The following NLK variants were observed in gnomAD, a reference collection of about 807,000 sequenced individuals.
The protein encoded by NLK is serine/threonine-protein kinase NLK.
NLK carries 11 observed loss-of-function variants against 59.0 expected under a neutral mutation model. That is an observed-to-expected ratio of 0.19 (90% CI 0.12 to 0.31). The LOEUF (loss-of-function observed/expected upper bound fraction) is 0.31, where lower values mean the gene tolerates loss of function less well. Among genes scored for constraint, NLK ranks in the 10% least tolerant of loss-of-function variants. The pLI is 1.00. For synonymous variants in NLK, 235 were observed against 235.9 expected, an observed-to-expected ratio of 1.00 and a Z score of 0.03; for missense variants, 410 against 661.1, an observed-to-expected ratio of 0.62 and a Z score of 4.16.
intron 8 of NLK, among the ~76,000 whole-genome samples, chr17:28,188,133 G>T (rs1457264285): frequency 1.3e-5 from 2 of 152,174 alleles, no homozygotes; most frequent in East Asian, 1.9e-4. Context: ...AACCCAGGAG[G>T]TTAAGGCCAA....
At chr17:28,052,894 T>TG (rs1329753139) in intron 1 of NLK, among the ~76,000 whole-genome samples, 2 of 151,210 alleles carry the variant, frequency 1.3e-5, no homozygotes, top group African/African-American at 4.9e-5. Context: ...TGGTGTTTTT[T>TG]TTTTTTTTTT....
intron 8 of NLK, 92 bp from the exon 9 acceptor site, chr17:28,190,929 A>G: frequency 7.1e-6 from 6 of 849,142 alleles, no homozygotes; most frequent in African/African-American, 3.4e-5. Context: ...TATATATGCT[A>G]TGTCAAGCAG....
chr17:28,193,301 G>T (rs995259624), intron 10 of NLK, among the ~76,000 whole-genome samples: 1 of 152,148 alleles, frequency 6.6e-6, no homozygotes, highest in Non-Finnish European at 1.5e-5. Flanking sequence ...TTTGGAGAGG[G>T]TATGGCTGCC....
chr17:28,199,420 C>T (rs1909562932), downstream of NLK, among the ~76,000 whole-genome samples: 1 of 151,990 alleles, frequency 6.6e-6, no homozygotes, highest in African/African-American at 2.4e-5. Context: ...AATCCCAGAA[C>T]TTTGGGAGGC....
At chr17:28,137,410 CTAAG>C (rs1555563041) in intron 3 of NLK, among the ~76,000 whole-genome samples, 1 of 151,866 alleles carries the variant, frequency 6.6e-6, no homozygotes, top group Non-Finnish European at 1.5e-5. Flanking sequence ...ATAAATAATC[CTAAG>C]TAATTATCCA....
intron 1 of NLK, among the ~76,000 whole-genome samples, chr17:28,094,212 A>G (rs1055653211): frequency 2.0e-5 from 3 of 152,198 alleles, no homozygotes; most frequent in Non-Finnish European, 2.9e-5. Flanking sequence ...AATTTACTGT[A>G]TAGGGAATGG....
intron 1 of NLK, among the ~76,000 whole-genome samples, chr17:28,095,664 A>G (rs1355539351): frequency 6.6e-6 from 1 of 152,238 alleles, no homozygotes; most frequent in Admixed American, 6.5e-5. Context: ...TATATATTTG[A>G]AATGATTATT....
the NLK span, among the ~76,000 whole-genome samples, chr17:28,203,200 C>CAG: frequency 6.6e-6 from 1 of 150,962 alleles, no homozygotes; most frequent in African/African-American, 2.4e-5. Flanking sequence ...CACACACACA[C>CAG]AGTCTCAGTC....
chr17:28,145,403 A>G (rs1015401620), intron 3 of NLK, among the ~76,000 whole-genome samples: 2 of 152,194 alleles, frequency 1.3e-5, no homozygotes, highest in Non-Finnish European at 2.9e-5. Flanking sequence ...ACCAGGAGTT[A>G]CCTTCTGTAG....
chr17:28,076,051 G>A (rs1219661208), intron 1 of NLK, among the ~76,000 whole-genome samples: 1 of 152,120 alleles, frequency 6.6e-6, no homozygotes, highest in East Asian at 1.9e-4. Context: ...GTTGTTTTGA[G>A]GAAAGGCGAA....
chr17:28,179,689 G>A (rs181704854), intron 7 of NLK, among the ~76,000 whole-genome samples: 4 of 152,058 alleles, frequency 2.6e-5, no homozygotes, highest in African/African-American at 4.8e-5. Flanking sequence ...AGCCAAGATC[G>A]CGCCTCTGCA....
intron 1 of NLK, among the ~76,000 whole-genome samples, chr17:28,098,456 G>A (rs1220478631): frequency 6.6e-6 from 1 of 152,052 alleles, no homozygotes; most frequent in African/African-American, 2.4e-5. Context: ...CAAGTAGAAA[G>A]TAAACATTTT....
chr17:28,058,133 T>C (rs569091635), intron 1 of NLK, among the ~76,000 whole-genome samples: 24 of 152,312 alleles, frequency 1.6e-4, no homozygotes, highest in African/African-American at 4.8e-4. Flanking sequence ...TAGAATGAGG[T>C]AGCTGGAGTG....
chr17:28,182,177 T>C (rs1417348279), intron 7 of NLK, among the ~76,000 whole-genome samples: 1 of 152,222 alleles, frequency 6.6e-6, no homozygotes, highest in African/African-American at 2.4e-5. Context: ...ATCTTATCTC[T>C]ATTACTCTTT....
At chr17:28,189,852 A>AG (rs1400196265) in intron 8 of NLK, among the ~76,000 whole-genome samples, 2 of 152,260 alleles carry the variant, frequency 1.3e-5, no homozygotes, top group Non-Finnish European at 2.9e-5. Context: ...GGAAAAAAAA[A>AG]CAAGGTTATC....
intron 1 of NLK, among the ~76,000 whole-genome samples, chr17:28,051,590 C>G (rs533169444): frequency 5.9e-5 from 9 of 151,734 alleles, no homozygotes; most frequent in South Asian, 2.1e-4. Context: ...ATCTCTTGAC[C>G]TCGTGATCGG....
At chr17:28,063,502 C>A (rs1909735044) in intron 1 of NLK, among the ~76,000 whole-genome samples, 1 of 152,028 alleles carries the variant, frequency 6.6e-6, no homozygotes, top group South Asian at 2.1e-4. Context: ...ATTTTTTGAA[C>A]TGTTTTGTAA....
At chr17:28,183,742 A>T (rs553147678) in intron 7 of NLK, among the ~76,000 whole-genome samples, 17 of 152,162 alleles carry the variant, frequency 1.1e-4, no homozygotes, top group Non-Finnish European at 4.4e-5. Context: ...CATTAGGAAA[A>T]TCATTTACCC....
chr17:28,145,501 T>C (rs1907207548), intron 3 of NLK, among the ~76,000 whole-genome samples: 1 of 152,200 alleles, frequency 6.6e-6, no homozygotes, highest in South Asian at 2.1e-4. Context: ...AGAAAACCTT[T>C]CTTGGTGTAA....
Sources: allele counts gnomAD v4.1 joint callset (sites outside exome capture counted in the v4.1 genomes callset), GRCh38; gene constraint gnomAD v4.1.1; transcripts MANE v1.5; gene names NCBI Gene and HGNC (gene_info 2026-07-23, HGNC 2026-07-21).